The following COX16 variants were observed in gnomAD, a reference collection of about 807,000 sequenced individuals.
The protein encoded by COX16 is cytochrome c oxidase assembly protein COX16 homolog, mitochondrial.
A neutral mutation model predicts 15.4 loss-of-function variants in COX16; 12 were observed. The observed-to-expected ratio is 0.78, with a 90% confidence interval of 0.50 to 1.26. The LOEUF is 1.26. COX16 is among the 50% of genes most tolerant of loss of function. The pLI is 0.00. For synonymous variants in COX16, 46 were observed against 41.1 expected, an observed-to-expected ratio of 1.12 and a Z score of -0.46; for missense variants, 124 against 127.6, an observed-to-expected ratio of 0.97 and a Z score of 0.14.
chr14:70,333,262 G>A (rs1359826358), intron 2 of COX16, among the ~76,000 whole-genome samples: 1 of 152,176 alleles, frequency 6.6e-6, no homozygotes, highest in Non-Finnish European at 1.5e-5. Flanking sequence ...CTAAAATGAT[G>A]GAGATGTGTA....
chr14:70,344,094 CGTCT>C (rs1250518347), intron 1 of COX16, among the ~76,000 whole-genome samples: 1 of 152,128 alleles, frequency 6.6e-6, no homozygotes, highest in East Asian at 1.9e-4. Context: ...CCCAATTACC[CGTCT>C]GGGTAATGTC....
rs558423298 is a variant in COX16, at chr14:70,342,453, AAAAG to A, written c.141+201_141+204del. Among the ~76,000 whole-genome samples, 12 of 152,354 alleles carry A rather than the reference AAAAG, an allele frequency of 7.9e-5. No homozygotes were observed. In the South Asian group the frequency reaches 1.4e-3, roughly 18 times the overall value. ...GAGTGAGACCCCGTGGCAAAAGAAAAAAAGAAAGATTACGAAATTAGTTACATTT... is the reference window on the plus strand; with the variant it reads ...GAGTGAGACCCCGTGGCAAAAGAAAAAAAGATTACGAAATTAGTTACATTT... On this transcript the variant is annotated intron_variant, in intron 2 of 3. Transcript: ENST00000389912.
rs182202273 is a variant in COX16, at chr14:70,336,332, G to A, written c.141+6326C>T. Among the ~76,000 whole-genome samples, 87 of 152,246 alleles carry A rather than the reference G, an allele frequency of 5.7e-4. 1 individual carries two copies. The East Asian group carries it at 0.014, about 25-fold the overall frequency. On this transcript the variant is annotated intron_variant, in intron 2 of 3. Transcript: ENST00000389912. ...TAGGGCCAAGAGGAAGACATGGAGC[G>A]GCAGGAGGAGAGATTAGGAAGCAGC...
At chr14:70,350,186 C>T (rs1427370797) in intron 1 of COX16, among the ~76,000 whole-genome samples, 1 of 152,132 alleles carries the variant, frequency 6.6e-6, no homozygotes, top group Non-Finnish European at 1.5e-5. Context: ...AGGCTACTTG[C>T]GCCAGCAGGG....
chr14:70,338,144 C>T (rs558966261), intron 2 of COX16, among the ~76,000 whole-genome samples: 1 of 152,238 alleles, frequency 6.6e-6, no homozygotes, highest in East Asian at 1.9e-4. Context: ...GACAGGGTCT[C>T]GCTCTGTCAC....
At chr14:70,358,887 T>C (rs1439396203) in intron 1 of COX16, among the ~76,000 whole-genome samples, 2 of 152,166 alleles carry the variant, frequency 1.3e-5, no homozygotes, top group Non-Finnish European at 2.9e-5. Flanking sequence ...GATGAAACCA[T>C]ATAAACACGG....
At chr14:70,345,215 G>C (rs1886742023) in intron 1 of COX16, among the ~76,000 whole-genome samples, 1 of 152,222 alleles carries the variant, frequency 6.6e-6, no homozygotes, top group African/African-American at 2.4e-5. Context: ...CAGGGGCCCA[G>C]TTAGCAGGGA....
intron 2 of COX16, among the ~76,000 whole-genome samples, chr14:70,330,148 T>A (rs558179030): frequency 6.3e-4 from 95 of 151,888 alleles, no homozygotes; most frequent in South Asian, 5.8e-3. Context: ...CAAAGTGAAG[T>A]TGATTAAGAG....
At chr14:70,351,020 AAAG>A (rs1301680935) in intron 1 of COX16, among the ~76,000 whole-genome samples, 2 of 152,246 alleles carry the variant, frequency 1.3e-5, no homozygotes, top group Non-Finnish European at 2.9e-5. Flanking sequence ...TGATTTAACA[AAAG>A]AAGAAAATAA....
chr14:70,349,449 C>T (rs866872955), intron 1 of COX16, among the ~76,000 whole-genome samples: 1 of 152,188 alleles, frequency 6.6e-6, no homozygotes, highest in Non-Finnish European at 1.5e-5. Context: ...TTCCCCATTT[C>T]GGCCTCCCAA....
intron 2 of COX16, among the ~76,000 whole-genome samples, chr14:70,329,965 C>G (rs1235818202): frequency 6.6e-6 from 1 of 151,914 alleles, no homozygotes; most frequent in Non-Finnish European, 1.5e-5. Flanking sequence ...TTTACAAAAG[C>G]TAGACCTAAA....
At chr14:70,343,893 C>T (rs1188941719) in intron 1 of COX16, among the ~76,000 whole-genome samples, 8 of 152,126 alleles carry the variant, frequency 5.3e-5, no homozygotes, top group Non-Finnish European at 1.2e-4. Context: ...GTGTGGAAAC[C>T]GGAGTTTTAT....
chr14:70,327,316 AG>A (rs2140670035), intron 3 of COX16, among the ~76,000 whole-genome samples: 2 of 152,198 alleles, frequency 1.3e-5, no homozygotes, highest in East Asian at 3.9e-4. Flanking sequence ...CTCTCTCATA[AG>A]TAACAATGAA....
intron 1 of COX16, among the ~76,000 whole-genome samples, chr14:70,346,474 C>A (rs1471686485): frequency 6.6e-6 from 1 of 152,198 alleles, no homozygotes; most frequent in Non-Finnish European, 1.5e-5. Context: ...CATGCCCCCT[C>A]TGCAGAGGAC....
At chr14:70,330,186 A>G (rs1429489018) in intron 2 of COX16, among the ~76,000 whole-genome samples, 2 of 152,176 alleles carry the variant, frequency 1.3e-5, no homozygotes, top group South Asian at 2.1e-4. Context: ...AATAAAGAGT[A>G]TTTAGATGAA....
intron 2 of COX16, among the ~76,000 whole-genome samples, chr14:70,342,276 C>G (rs1056253190): frequency 1.3e-5 from 2 of 152,088 alleles, no homozygotes; most frequent in Non-Finnish European, 2.9e-5. Context: ...GAAACCCCAT[C>G]TCTACTAAAA....
chr14:70,325,176 C>T lies in COX16; in HGVS notation c.*1157G>A, dbSNP rs1053360463. 2 of 152,034 alleles carry T rather than the reference C, an allele frequency of 1.3e-5. No homozygotes were observed. Among genetic ancestry groups the T allele is most frequent in the Non-Finnish European group, 2.9e-5 (2 of 68,010 alleles). 9.4% of individuals were successfully genotyped at this position (152,034 alleles called of 1,614,324 possible). On this transcript the variant is annotated 3_prime_UTR_variant, in exon 4 of 4. Coordinates refer to ENST00000389912, the MANE Select transcript of COX16 (RefSeq NM_016468.7). ...GGGGAGTGGATTTATGATTTTATGG[C>T]AATTATAACAGGAGTGTTTCAATGG...
intron 1 of COX16, among the ~76,000 whole-genome samples, chr14:70,348,997 G>A (rs1030667078): frequency 6.6e-6 from 1 of 152,150 alleles, no homozygotes; most frequent in African/African-American, 2.4e-5. Flanking sequence ...AAGAAAAGGA[G>A]GACTTCTGAG....
chr14:70,337,440 T>C (rs1310230233), intron 2 of COX16, among the ~76,000 whole-genome samples: 2 of 152,056 alleles, frequency 1.3e-5, no homozygotes, highest in African/African-American at 2.4e-5. Flanking sequence ...TCCTGGATGA[T>C]AGTAAGATGG....
Sources: gnomAD v4.1 joint callset for allele counts (sites outside exome capture counted in the v4.1 genomes callset) on GRCh38, gnomAD v4.1.1 for gene constraint, MANE v1.5 for transcripts, NCBI Gene and HGNC (gene_info 2026-07-23, HGNC 2026-07-21) for gene names.